Variants in PRKCE observed in about 807,000 individuals in gnomAD.
PRKCE encodes protein kinase C epsilon, also known as protein kinase C epsilon type.
A neutral mutation model predicts 85.4 loss-of-function variants in PRKCE; 16 were observed. The ratio of observed to expected loss-of-function variants is 0.19; its 90% confidence interval spans 0.13 to 0.28. The LOEUF (loss-of-function observed/expected upper bound fraction) is 0.28. PRKCE is among the 10% of genes least tolerant of loss of function. The pLI is 1.00. For synonymous variants in PRKCE, 388 were observed against 371.5 expected (o/e 1.04, Z -0.51); for missense variants, 573 against 975.2 (o/e 0.59, Z 5.49).
chr2:45,839,329 C>A (rs1052055790), intron 1 of PRKCE, among the ~76,000 whole-genome samples: 1 of 151,870 alleles, frequency 6.6e-6, no homozygotes, highest in African/African-American at 2.4e-5. Flanking sequence ...TTTGTCTCCC[C>A]CAGTTTGACT....
At chr2:45,737,190 T>C (rs940500579) in intron 1 of PRKCE, among the ~76,000 whole-genome samples, 4 of 152,216 alleles carry the variant, frequency 2.6e-5, no homozygotes, top group East Asian at 1.9e-4. Context: ...CCCACGCAGC[T>C]GTCTTCAAAA....
intron 1 of PRKCE, among the ~76,000 whole-genome samples, chr2:45,729,791 T>C (rs1177490559): frequency 6.6e-6 from 1 of 152,186 alleles, no homozygotes; most frequent in Non-Finnish European, 1.5e-5. Flanking sequence ...TCCAGACTGC[T>C]CTGGCCATCC....
chr2:45,921,182 AG>A (rs1302613014), intron 2 of PRKCE, among the ~76,000 whole-genome samples: 1 of 152,244 alleles, frequency 6.6e-6, no homozygotes, highest in East Asian at 1.9e-4. Flanking sequence ...TAAAGGTATC[AG>A]GGAGGTAGTC....
At chr2:45,934,121 C>T (rs146065027) in intron 2 of PRKCE, among the ~76,000 whole-genome samples, 18 of 152,296 alleles carry the variant, frequency 1.2e-4, no homozygotes, top group East Asian at 3.9e-4. Context: ...CTCTGACACA[C>T]GCTCAGGGCA....
At chr2:45,997,530 CATTTTTTATTTTTATTTT>C (rs1704316430) in intron 6 of PRKCE, among the ~76,000 whole-genome samples, 1 of 151,762 alleles carries the variant, frequency 6.6e-6, no homozygotes, top group Admixed American at 6.6e-5. Flanking sequence ...TATTTTATTT[CATTTTTTATTTTTATTTT>C]ATTTATTTAT....
chr2:45,982,206 C>A (rs895339566), intron 5 of PRKCE, among the ~76,000 whole-genome samples: 1 of 148,846 alleles, frequency 6.7e-6, no homozygotes, highest in Admixed American at 6.7e-5. Context: ...GTATCTGCCC[C>A]TCAGGGTGAT....
intron 11 of PRKCE, among the ~76,000 whole-genome samples, chr2:46,104,310 T>TTTG (rs1671514507): frequency 6.6e-6 from 1 of 151,498 alleles, no homozygotes; most frequent in Non-Finnish European, 1.5e-5. Context: ...TTTTTTTTTT[T>TTTG]TTTTGCCATA....
intron 1 of PRKCE, among the ~76,000 whole-genome samples, chr2:45,742,528 A>G (rs1056377194): frequency 1.3e-5 from 2 of 152,216 alleles, no homozygotes; most frequent in African/African-American, 2.4e-5. Context: ...GGTGTTCCAC[A>G]TCACTAATCA....
chr2:45,904,238 A>G (rs1666562905), intron 2 of PRKCE, among the ~76,000 whole-genome samples: 1 of 152,164 alleles, frequency 6.6e-6, no homozygotes. Context: ...AGATTCTCTT[A>G]AAAATGCAAA....
At chr2:45,730,860 T>TCTG in intron 1 of PRKCE, among the ~76,000 whole-genome samples, 1 of 152,342 alleles carries the variant, frequency 6.6e-6, no homozygotes, top group Admixed American at 6.5e-5. Context: ...ATTTTGTGTG[T>TCTG]CTGCCCGACA....
intron 1 of PRKCE, among the ~76,000 whole-genome samples, chr2:45,739,578 C>A (rs74938533): frequency 0.023 from 3,564 of 152,166 alleles, 130 homozygotes; most frequent in African/African-American, 0.081. Context: ...AAATTATGTT[C>A]AGTGAAAGAA....
At chr2:46,124,919 A>C (rs3768747) in intron 11 of PRKCE, among the ~76,000 whole-genome samples, 61,742 of 152,064 alleles carry the variant, frequency 0.41, 14,742 homozygotes, top group African/African-American at 0.66. Context: ...TTGAAAGGAA[A>C]TTTTTAGACA....
chr2:45,708,961 A>G (rs1573011669), intron 1 of PRKCE, among the ~76,000 whole-genome samples: 1 of 152,118 alleles, frequency 6.6e-6, no homozygotes, highest in Non-Finnish European at 1.5e-5. Context: ...ACACAGTTTC[A>G]CCTTGAATGG....
At chr2:45,839,771 C>G (rs140100445) in intron 1 of PRKCE, among the ~76,000 whole-genome samples, 2 of 152,192 alleles carry the variant, frequency 1.3e-5, no homozygotes, top group African/African-American at 4.8e-5. Context: ...GAAGACCCAC[C>G]ACCTTGGATG....
At chr2:46,054,814 A>G (rs1395197238) in intron 10 of PRKCE, among the ~76,000 whole-genome samples, 1 of 151,876 alleles carries the variant, frequency 6.6e-6, no homozygotes, top group East Asian at 1.9e-4. Flanking sequence ...TCCTGTGCCT[A>G]TAAAAACCCC....
chr2:45,861,605 T>A (rs1693167099), intron 2 of PRKCE, among the ~76,000 whole-genome samples: 1 of 152,184 alleles, frequency 6.6e-6, no homozygotes, highest in Admixed American at 6.5e-5. Flanking sequence ...TAAAATAAAT[T>A]TTCTTTTATT....
intron 10 of PRKCE, among the ~76,000 whole-genome samples, chr2:46,019,721 C>A (rs997561450): frequency 6.6e-6 from 1 of 151,842 alleles, no homozygotes; most frequent in African/African-American, 2.4e-5. Flanking sequence ...AAGAACTTAC[C>A]AATGACATTG....
At chr2:46,022,015 A>G (rs1365838309) in intron 10 of PRKCE, among the ~76,000 whole-genome samples, 1 of 152,116 alleles carries the variant, frequency 6.6e-6, no homozygotes, top group East Asian at 1.9e-4. Context: ...GTGGTCTGAA[A>G]TACTTCAGAC....
intron 10 of PRKCE, among the ~76,000 whole-genome samples, chr2:46,018,633 A>G (rs944681196): frequency 6.6e-6 from 1 of 152,242 alleles, no homozygotes; most frequent in African/African-American, 2.4e-5. Context: ...AAAAGTCACA[A>G]GAGGACAAAA....
Sources: gnomAD v4.1 joint callset for allele counts (sites outside exome capture counted in the v4.1 genomes callset) on GRCh38, gnomAD v4.1.1 for gene constraint, MANE v1.5 for transcripts, NCBI Gene and HGNC (gene_info 2026-07-23, HGNC 2026-07-21) for gene names.